NDST4: variants seen among roughly 807,000 people sequenced by gnomAD.
The protein encoded by NDST4 is N-heparan sulfate sulfotransferase 4.
NDST4 carries 63 observed loss-of-function variants against 100.8 expected under a neutral mutation model. The ratio of observed to expected loss-of-function variants is 0.62; its 90% CI spans 0.51 to 0.77. The LOEUF (loss-of-function observed/expected upper bound fraction) is 0.77, where lower values mean the gene tolerates loss of function less well. Among genes scored for constraint, NDST4 ranks in the 30% least tolerant of loss-of-function variants. NDST4 has a pLI of 0.00. For synonymous variants in NDST4, 377 were observed against 361.8 expected, an observed-to-expected ratio of 1.04 and a Z score of -0.48; for missense variants, 943 against 1,018.4, an observed-to-expected ratio of 0.93 and a Z score of 1.01.
chr4:114,833,794 G>T (rs971419986), intron 11 of NDST4, 79 bp from the exon 12 acceptor site: 1 of 836,536 alleles, frequency 1.2e-6, no homozygotes, highest in Non-Finnish European at 1.9e-6. Context: ...TACCTGGTGT[G>T]ACATTCATAA....
At chr4:115,092,184 T>C (rs1398696822) in intron 1 of NDST4, among the ~76,000 whole-genome samples, 1 of 152,156 alleles carries the variant, frequency 6.6e-6, no homozygotes, top group Non-Finnish European at 1.5e-5. Context: ...CCACTGCTAT[T>C]GGTGCCCTTA....
chr4:114,874,591 C>A (rs1007045066), intron 6 of NDST4, among the ~76,000 whole-genome samples: 18 of 152,180 alleles, frequency 1.2e-4, no homozygotes, highest in African/African-American at 3.9e-4. Context: ...ATTCTGCAAG[C>A]ACAGCTTAAC....
chr4:115,100,459 G>T (rs1729707991), intron 1 of NDST4, among the ~76,000 whole-genome samples: 3 of 151,884 alleles, frequency 2.0e-5, no homozygotes, highest in Non-Finnish European at 4.4e-5. Context: ...ATCTTAAAGT[G>T]CTCTAAAAAG....
At chr4:115,082,697 T>C (rs920912271) in intron 1 of NDST4, among the ~76,000 whole-genome samples, 1 of 152,152 alleles carries the variant, frequency 6.6e-6, no homozygotes, top group Non-Finnish European at 1.5e-5. Flanking sequence ...ATTTTTAAAA[T>C]GACAAAATTA....
At chr4:114,830,463 C>G (rs1297302806) in intron 12 of NDST4, among the ~76,000 whole-genome samples, 2 of 152,186 alleles carry the variant, frequency 1.3e-5, no homozygotes, top group Non-Finnish European at 2.9e-5. Flanking sequence ...GAAGATTAGA[C>G]AACCTCTTAT....
intron 4 of NDST4, among the ~76,000 whole-genome samples, chr4:114,954,450 A>G (rs1009651356): frequency 1.3e-5 from 2 of 152,156 alleles, no homozygotes; most frequent in African/African-American, 2.4e-5. Context: ...AAACGGATTG[A>G]GGTATATTAG....
At chr4:114,860,156 G>A (rs1723888603) in intron 7 of NDST4, among the ~76,000 whole-genome samples, 1 of 152,138 alleles carries the variant, frequency 6.6e-6, no homozygotes, top group African/African-American at 2.4e-5. Context: ...GTGATAAAAG[G>A]AATTAATTAG....
intron 6 of NDST4, among the ~76,000 whole-genome samples, chr4:114,914,433 T>C (rs1027284741): frequency 1.3e-5 from 2 of 152,144 alleles, no homozygotes; most frequent in Admixed American, 6.5e-5. Flanking sequence ...ATACATCCCA[T>C]AAATATATAT....
rs80008976 is a variant in NDST4 at position 115,085,956 on chromosome 4, C to T, written c.-246-8674G>A. Among the ~76,000 whole-genome samples, 1,181 of 152,002 alleles carry T rather than the reference C, an allele frequency of 7.8e-3. 19 individuals are homozygous for T. The highest frequency in any genetic ancestry group is 0.026 in the African/African-American group (1,096 of 41,480). ...TTATGAAACTTTATGTTATGGTGTC[C>T]GTATATGCATGTGTGTGTATTTGGA... On this transcript the variant is annotated intron_variant, in intron 1 of 13. Transcript: ENST00000264363.
At chr4:114,939,264 C>A (rs1448247074) in intron 4 of NDST4, among the ~76,000 whole-genome samples, 1 of 152,090 alleles carries the variant, frequency 6.6e-6, no homozygotes, top group Non-Finnish European at 1.5e-5. Flanking sequence ...AATCTAGAGA[C>A]AAGCGTGTCC....
intron 4 of NDST4, among the ~76,000 whole-genome samples, chr4:114,953,712 A>T: frequency 6.6e-6 from 1 of 152,184 alleles, no homozygotes; most frequent in Non-Finnish European, 1.5e-5. Context: ...AACAATAAAT[A>T]ACTCAAATGC....
intron 2 of NDST4, among the ~76,000 whole-genome samples, chr4:115,001,621 C>A (rs1323265267): frequency 1.3e-5 from 2 of 151,696 alleles, no homozygotes; most frequent in African/African-American, 4.8e-5. Flanking sequence ...ATTATACGCT[C>A]CACTCTAATA....
chr4:114,981,477 G>T (rs1302130072), intron 2 of NDST4, among the ~76,000 whole-genome samples: 2 of 152,002 alleles, frequency 1.3e-5, no homozygotes, highest in Non-Finnish European at 2.9e-5. Flanking sequence ...TACTCCAGCT[G>T]GTTCTAATAA....
At chr4:114,903,663 T>C (rs1478288707) in intron 6 of NDST4, among the ~76,000 whole-genome samples, 1 of 152,046 alleles carries the variant, frequency 6.6e-6, no homozygotes, top group African/African-American at 2.4e-5. Flanking sequence ...TTTAGTTTGT[T>C]CAGCTTTGTA....
chr4:114,912,288 G>A (rs1725078015), intron 6 of NDST4, among the ~76,000 whole-genome samples: 1 of 152,272 alleles, frequency 6.6e-6, no homozygotes, highest in South Asian at 2.1e-4. Context: ...CTATGGGCAT[G>A]GTGGCTGTGA....
At chr4:114,956,556 T>A (rs962923361) in intron 4 of NDST4, among the ~76,000 whole-genome samples, 3 of 152,170 alleles carry the variant, frequency 2.0e-5, no homozygotes, top group African/African-American at 7.2e-5. Context: ...ATAATCTGAG[T>A]GCCTTTTGTC....
chr4:114,950,959 C>G (rs551555311), intron 4 of NDST4, among the ~76,000 whole-genome samples: 2 of 152,024 alleles, frequency 1.3e-5, no homozygotes, highest in African/African-American at 4.8e-5. Context: ...TTTTTGCATC[C>G]CTGGTGTCAA....
At chr4:114,829,984 A>C (rs1560767698) in intron 12 of NDST4, 92 bp from the exon 13 acceptor site, 1 of 821,132 alleles carries the variant, frequency 1.2e-6, no homozygotes. Context: ...GTATTTTTGT[A>C]TGCCCACTGA....
intron 4 of NDST4, among the ~76,000 whole-genome samples, chr4:114,965,823 C>G (rs563110562): frequency 6.6e-6 from 1 of 151,986 alleles, no homozygotes; most frequent in Non-Finnish European, 1.5e-5. Flanking sequence ...ATGGTATATG[C>G]ACTTTTCTTT....
Sources: gnomAD v4.1 joint callset for allele counts (sites outside exome capture counted in the v4.1 genomes callset) on GRCh38, gnomAD v4.1.1 for gene constraint, MANE v1.5 for transcripts, NCBI Gene and HGNC (gene_info 2026-07-23, HGNC 2026-07-21) for gene names.